The following PRDM10 variants were observed in gnomAD, a reference collection of about 807,000 sequenced individuals.
The protein encoded by PRDM10 is PR/SET domain 10.
In PRDM10, 65 loss-of-function variants were observed where a neutral mutation model predicts 133.1. That is an observed-to-expected ratio of 0.49 (90% CI 0.40 to 0.60). PRDM10 has a LOEUF of 0.60. Ranked by LOEUF, PRDM10 falls within the 20% of genes least tolerant of loss-of-function variation. The pLI is 0.00. For missense variants in PRDM10, 1,137 were observed against 1,507.1 expected, an observed-to-expected ratio of 0.75 and a Z score of 4.07; for synonymous variants, 582 against 580.4, an observed-to-expected ratio of 1.00 and a Z score of -0.04.
intron 9 of PRDM10, among the ~76,000 whole-genome samples, chr11:129,934,077 C>CA (rs1950953589): frequency 6.6e-6 from 1 of 152,220 alleles, no homozygotes. Flanking sequence ...ACCACTCCCT[C>CA]GTGCGTGCTC....
chr11:129,957,606 CGCGCCTG>C (rs1951720461), intron 3 of PRDM10, 133 bp downstream of exon 3: 3 of 1,041,024 alleles, frequency 2.9e-6, no homozygotes, highest in Non-Finnish European at 4.0e-6. Flanking sequence ...CATGAGCCAC[CGCGCCTG>C]GCTGAGAGCA....
chr11:129,925,120 A>G lies in PRDM10; in HGVS notation c.1640T>C (p.Phe547Ser). ...EKDKLDQHLRFHGREGNCPLT... is the reference protein window; with the variant it reads ...EKDKLDQHLRSHGREGNCPLT... ...TGGGCAGTTCCCCTCCCGCCCATGG[A>G]AGCGTAAGTGCTGGTCCAGTTTGTC... The change falls in exon 12 of 21, where the codon TTC becomes TCC. Residue 547 changes from phenylalanine to serine, a missense_variant. Around this residue, in one of 6 missense-constraint regions of PRDM10, gnomAD observed 635 missense variants for 835.2 expected, o/e 0.76. Coordinates refer to ENST00000360871, the MANE Select transcript of PRDM10 (RefSeq NM_199437.2). 1 of 1,614,212 alleles carries G rather than the reference A, an allele frequency of 6.2e-7. No individual in the cohort carries two copies. The highest frequency in any genetic ancestry group is 8.5e-7 in the Non-Finnish European group (1 of 1,180,032).
intron 1 of PRDM10, among the ~76,000 whole-genome samples, chr11:129,975,988 C>A (rs758995565): frequency 1.3e-5 from 2 of 152,150 alleles, no homozygotes; most frequent in Non-Finnish European, 2.9e-5. Context: ...ATTTGGTCTC[C>A]TACAGTACCT....
chr11:130,000,848 T>TGCAATCCCA (rs1939319736), intron 1 of PRDM10, among the ~76,000 whole-genome samples: 1 of 152,218 alleles, frequency 6.6e-6, no homozygotes, highest in East Asian at 1.9e-4. Flanking sequence ...GGCCCATGCC[T>TGCAATCCCA]GCAATCCCAG....
chr11:129,957,922 A>G lies in PRDM10; in HGVS notation c.70-12T>C. On this transcript the variant is annotated splice_polypyrimidine_tract_variant and intron_variant, in intron 2 of 20. Coordinates refer to ENST00000360871, the MANE Select transcript of PRDM10 (RefSeq NM_199437.2). ...GGAACAAAGTGCACCTGGCATAAAC[A>G]GGAGACAAAGAACAAAATCAGTATC... 1 of 1,602,750 alleles carries G rather than the reference A, an allele frequency of 6.2e-7. No individual in the cohort carries two copies. Among genetic ancestry groups the G allele is most frequent in the South Asian group, 1.1e-5 (1 of 89,678 alleles).
chr11:129,977,841 A>G (rs73018824), intron 1 of PRDM10, among the ~76,000 whole-genome samples: 50 of 152,222 alleles, frequency 3.3e-4, no homozygotes, highest in Non-Finnish European at 6.5e-4. Context: ...CTGTTGTCCC[A>G]GCTAAGTCGG....
In PRDM10 at chr11:129,982,870, A is replaced by C. The variant is rs1255727151; in HGVS notation, c.-119+19852T>G. On this transcript the variant is annotated intron_variant, in intron 1 of 20. Transcript: ENST00000360871. ...AAGCTACTCAGGAGGCTAGGGTGGGAGGATCACTTGTGCCTCACAGGCAGA... is the reference window on the plus strand; with the variant it reads ...AAGCTACTCAGGAGGCTAGGGTGGGCGGATCACTTGTGCCTCACAGGCAGA... Among the ~76,000 whole-genome samples the C allele has an allele frequency of 2.0e-5, 3 of 152,108 alleles. No individual in the cohort carries two copies. In the East Asian group the frequency reaches 5.8e-4, roughly 30 times the overall value.
chr11:129,976,340 G>C (rs12281870), intron 1 of PRDM10, among the ~76,000 whole-genome samples: 28,794 of 152,028 alleles, frequency 0.19, 4,333 homozygotes, highest in East Asian at 0.46. Context: ...CTCTGGCACT[G>C]TGTCCTCAAG....
intron 19 of PRDM10, among the ~76,000 whole-genome samples, chr11:129,908,576 T>C (rs1950084851): frequency 6.6e-6 from 1 of 152,116 alleles, no homozygotes; most frequent in Non-Finnish European, 1.5e-5. Context: ...TGGGAGCATA[T>C]ATGAGACAAG....
At chr11:130,001,735 T>C (rs956015565) in intron 1 of PRDM10, among the ~76,000 whole-genome samples, 3 of 152,116 alleles carry the variant, frequency 2.0e-5, no homozygotes, top group African/African-American at 7.2e-5. Flanking sequence ...AGCTGCAGGG[T>C]TAAACCTGCT....
At chr11:129,910,732 A>G (rs1950163430) in intron 18 of PRDM10, 76 bp from the exon 19 acceptor site, 2 of 1,259,376 alleles carry the variant, frequency 1.6e-6, no homozygotes, top group Admixed American at 3.0e-5. Flanking sequence ...AACTGAAGGA[A>G]GTACACCAGA....
At chr11:129,934,098 T>A (rs1366691296) in intron 9 of PRDM10, among the ~76,000 whole-genome samples, 1 of 152,198 alleles carries the variant, frequency 6.6e-6, no homozygotes, top group African/African-American at 2.4e-5. Context: ...TCAGTTCCCA[T>A]CCCATGGCTG....
chr11:129,902,792 AAAG>A (rs1173065328), intron 20 of PRDM10, among the ~76,000 whole-genome samples: 2 of 152,224 alleles, frequency 1.3e-5, no homozygotes, highest in East Asian at 3.9e-4. Context: ...CATACGTGGC[AAAG>A]AAAACATGCC....
At chr11:129,984,012 AT>A (rs1415733201) in intron 1 of PRDM10, among the ~76,000 whole-genome samples, 1 of 152,188 alleles carries the variant, frequency 6.6e-6, no homozygotes, top group African/African-American at 2.4e-5. Flanking sequence ...TCCCACGCCC[AT>A]TCTGCCTTGG....
intron 11 of PRDM10, among the ~76,000 whole-genome samples, chr11:129,929,804 A>G (rs1225213758): frequency 6.6e-6 from 1 of 152,186 alleles, no homozygotes; most frequent in African/African-American, 2.4e-5. Flanking sequence ...CTTAGTAAAA[A>G]AAATCAGAAT....
intron 1 of PRDM10, among the ~76,000 whole-genome samples, chr11:129,989,581 CTTCCAGATGG>C (rs1938619508): frequency 6.6e-6 from 1 of 152,092 alleles, no homozygotes; most frequent in African/African-American, 2.4e-5. Flanking sequence ...AAAAGCTTTC[CTTCCAGATGG>C]TTCTGGGTGG....
In PRDM10 at chr11:129,960,932, C is replaced by T. The variant is rs760716845; in HGVS notation, c.33G>A (p.Trp11Ter). 1 of 1,614,136 alleles carries T rather than the reference C, an allele frequency of 6.2e-7. No homozygotes were observed. Among genetic ancestry groups the T allele is most frequent in the Non-Finnish European group, 8.5e-7 (1 of 1,180,024 alleles). MDSKDESSHV[W>*]PTSAEHEQNA... is the part of the protein sequence containing the mutation. ...TCTGTTCATGCTCTGCAGATGTCGG[C>T]CACACATGCGAGCTTTCATCTTTGG... Residue 11 changes from tryptophan (W) to a stop codon, truncating the protein, a stop_gained, in exon 2 of 21, where the codon TGG becomes TGA. Coordinates refer to ENST00000360871, the MANE Select transcript of PRDM10 (RefSeq NM_199437.2). LOFTEE classifies it high-confidence loss of function.
At chr11:129,911,959 T>C in intron 18 of PRDM10, 126 bp downstream of exon 18, 5 of 1,258,114 alleles carry the variant, frequency 4.0e-6, no homozygotes, top group East Asian at 2.7e-5. Context: ...TAAGATCCTT[T>C]AATAAAAATC....
At chr11:129,935,521 T>C (rs1223445337) in intron 8 of PRDM10, among the ~76,000 whole-genome samples, 1 of 152,098 alleles carries the variant, frequency 6.6e-6, no homozygotes, top group Non-Finnish European at 1.5e-5. Context: ...ACACATAAGA[T>C]GTTACAAAGA....
Sources: gnomAD v4.1 joint callset for allele counts (sites outside exome capture counted in the v4.1 genomes callset) on GRCh38, gnomAD v4.1.1 for gene constraint, gnomAD v4.1.1 regional missense constraint, MANE v1.5 for transcripts, NCBI Gene and HGNC (gene_info 2026-07-23, HGNC 2026-07-21) for gene names.